Variants in ANGPTL2 observed in about 807,000 individuals in gnomAD.
The protein encoded by ANGPTL2 is angiopoietin-related protein 2.
In ANGPTL2, 25 loss-of-function variants were observed where a neutral mutation model predicts 52.8. That is an observed-to-expected ratio of 0.47 (90% CI 0.35 to 0.66). The LOEUF (loss-of-function observed/expected upper bound fraction) is 0.66. Ranked by LOEUF, ANGPTL2 falls within the 30% of genes least tolerant of loss-of-function variation. ANGPTL2 has a pLI of 0.01. For synonymous variants in ANGPTL2, 276 were observed against 277.4 expected, an observed-to-expected ratio of 1.00 and a Z score of 0.05; for missense variants, 546 against 656.9, an observed-to-expected ratio of 0.83 and a Z score of 1.84.
At chr9:127,113,435 A>G (rs1382584986) in intron 1 of ANGPTL2, among the ~76,000 whole-genome samples, 1 of 149,024 alleles carries the variant, frequency 6.7e-6, no homozygotes, top group Non-Finnish European at 1.5e-5. Context: ...ATGGGCAGTA[A>G]TAAGTTTGTT....
At chr9:127,114,931 T>C (rs2055237292) in intron 1 of ANGPTL2, among the ~76,000 whole-genome samples, 1 of 152,196 alleles carries the variant, frequency 6.6e-6, no homozygotes, top group South Asian at 2.1e-4. Context: ...GTGTTCCTAC[T>C]AAGCTGTTGA....
chr9:127,104,482 A>G (rs1284126930), intron 2 of ANGPTL2, among the ~76,000 whole-genome samples: 2 of 152,234 alleles, frequency 1.3e-5, no homozygotes, highest in Non-Finnish European at 2.9e-5. Context: ...AGATAGGGCC[A>G]TTTGGCCCAG....
At chr9:127,107,603 G>A (rs1383006537) in intron 2 of ANGPTL2, among the ~76,000 whole-genome samples, 4 of 152,170 alleles carry the variant, frequency 2.6e-5, no homozygotes, top group African/African-American at 9.7e-5. Flanking sequence ...GCCAACACAC[G>A]GGATCTCATG....
chr9:127,115,789 G>C (rs150811299), intron 1 of ANGPTL2, among the ~76,000 whole-genome samples: 165 of 152,360 alleles, frequency 1.1e-3, no homozygotes, highest in African/African-American at 3.9e-3. Flanking sequence ...GCTTGATCAC[G>C]CAAGTGGTAA....
intron 3 of ANGPTL2, 44 bp downstream of exon 3, chr9:127,093,689 C>T (rs1320418273): frequency 1.2e-6 from 2 of 1,604,912 alleles, no homozygotes; most frequent in Non-Finnish European, 1.7e-6. Flanking sequence ...TGGGGTGGGC[C>T]AGTCACCTTG....
chr9:127,116,877 G>A (rs1267515942), intron 1 of ANGPTL2, among the ~76,000 whole-genome samples: 1 of 152,222 alleles, frequency 6.6e-6, no homozygotes, highest in Non-Finnish European at 1.5e-5. Flanking sequence ...CAGGGGCACA[G>A]TGCTACCAAG....
intron 3 of ANGPTL2, 71 bp downstream of exon 3, chr9:127,093,662 G>A: frequency 6.4e-7 from 1 of 1,566,706 alleles, no homozygotes; most frequent in Non-Finnish European, 8.7e-7. Flanking sequence ...TCTTCTATTG[G>A]TTGCTCAGGC....
chr9:127,108,843 A>G (rs967939242), intron 1 of ANGPTL2, 63 bp from the exon 2 acceptor site: 1 of 1,190,056 alleles, frequency 8.4e-7, no homozygotes, highest in African/African-American at 1.5e-5. Flanking sequence ...CTGTGCCATC[A>G]GTGATCCCAG....
chr9:127,090,129 G>T (rs1467396366), intron 4 of ANGPTL2, among the ~76,000 whole-genome samples: 2 of 152,222 alleles, frequency 1.3e-5, no homozygotes, highest in Non-Finnish European at 2.9e-5. Context: ...CCAAGTGGCA[G>T]TGTTGGACTG....
intron 2 of ANGPTL2, among the ~76,000 whole-genome samples, chr9:127,101,753 G>A (rs1313568048): frequency 6.6e-6 from 1 of 152,066 alleles, no homozygotes; most frequent in East Asian, 1.9e-4. Context: ...TGTTCATTTG[G>A]ACCCTACTCT....
chr9:127,089,663 AG>A (rs1477623947), intron 4 of ANGPTL2, among the ~76,000 whole-genome samples: 1 of 152,234 alleles, frequency 6.6e-6, no homozygotes, highest in African/African-American at 2.4e-5. Context: ...AGTCCTCCCC[AG>A]CTTGTATTCC....
intron 1 of ANGPTL2, among the ~76,000 whole-genome samples, chr9:127,116,314 T>C (rs549129227): frequency 6.7e-6 from 1 of 149,794 alleles, no homozygotes; most frequent in Non-Finnish European, 1.5e-5. Flanking sequence ...CATGAGATCA[T>C]AGGGTAGAGG....
intron 2 of ANGPTL2, among the ~76,000 whole-genome samples, chr9:127,105,293 T>C (rs909891303): frequency 6.6e-6 from 1 of 152,188 alleles, no homozygotes; most frequent in Non-Finnish European, 1.5e-5. Context: ...CATGACGGCG[T>C]GCTTTCTTAA....
Position 127,091,835 on chromosome 9 carries a change from A to G in ANGPTL2, c.1117T>C (p.Ser373Pro). The change falls in exon 4 of 5, where the codon TCC (serine) becomes CCC (proline). Residue 373 changes from serine to proline, a missense_variant. Physicochemically the swap from Ser to Pro is moderately conservative, Grantham distance 74. Coordinates refer to ENST00000373425, the MANE Select transcript of ANGPTL2 (RefSeq NM_012098.3). This position sits in a 1 kb window ranked among gnomAD's most constrained non-coding sequence, Gnocchi z 4.3. The part of the protein sequence containing the change: ...YKLLVTMEDW[S>P]GRKVFAEYAS... ...TATTCTGCAAAGACTTTGCGGCCGG[A>G]CCAGTCCTCCATGGTCACCAGGAGT... 1 of 1,614,148 alleles carries G rather than the reference A, an allele frequency of 6.2e-7. No homozygotes were observed. Among genetic ancestry groups the G allele is most frequent in the Non-Finnish European group, 8.5e-7 (1 of 1,180,028 alleles).
At chr9:127,119,790 T>C (rs1468699441) in intron 1 of ANGPTL2, among the ~76,000 whole-genome samples, 2 of 152,138 alleles carry the variant, frequency 1.3e-5, no homozygotes, top group Non-Finnish European at 2.9e-5. Context: ...GACTGCCTCA[T>C]TAGTAGTAAG....
chr9:127,115,791 A>T (rs544243622), intron 1 of ANGPTL2, among the ~76,000 whole-genome samples: 7 of 152,258 alleles, frequency 4.6e-5, no homozygotes, highest in Non-Finnish European at 7.3e-5. Context: ...TTGATCACGC[A>T]AGTGGTAAGA....
rs946362206 is a variant in ANGPTL2 at position 127,088,768 on chromosome 9, G to A, written c.*171C>T. 1.7e-5 allele frequency: 12 copies of A among 723,320 alleles called. No homozygotes were observed. The highest frequency in any genetic ancestry group is 2.7e-5 in the Admixed American group (1 of 37,700). 44.8% of individuals were successfully genotyped at this position (723,320 alleles called of 1,614,324 possible). On this transcript the variant is annotated 3_prime_UTR_variant, in exon 5 of 5. Transcript: ENST00000373425. ...GAAAGTAGGAGGGACAGAAAACACCGTATCGATTCAGTTCCATCATCCGCT... is the reference window on the plus strand; with the variant it reads ...GAAAGTAGGAGGGACAGAAAACACCATATCGATTCAGTTCCATCATCCGCT...
intron 4 of ANGPTL2, among the ~76,000 whole-genome samples, chr9:127,089,662 C>T (rs561072277): frequency 2.6e-5 from 4 of 152,212 alleles, no homozygotes; most frequent in Non-Finnish European, 5.9e-5. Flanking sequence ...CAGTCCTCCC[C>T]AGCTTGTATT....
intron 1 of ANGPTL2, among the ~76,000 whole-genome samples, chr9:127,118,257 C>G (rs1280775271): frequency 6.6e-6 from 1 of 152,114 alleles, no homozygotes; most frequent in Non-Finnish European, 1.5e-5. Flanking sequence ...TTGTAACCCC[C>G]AACACTGTTA....
Sources: allele counts gnomAD v4.1 joint callset (sites outside exome capture counted in the v4.1 genomes callset), GRCh38; gene constraint gnomAD v4.1.1; non-coding constraint Gnocchi (gnomAD v3.1); transcripts MANE v1.5; gene names NCBI Gene and HGNC (gene_info 2026-07-23, HGNC 2026-07-21).